Variants in DHRSX observed in about 807,000 individuals in gnomAD.
The protein encoded by DHRSX is dehydrogenase/reductase X-linked, also known as polyprenol dehydrogenase.
Under a neutral mutation model 34.0 loss-of-function variants are expected in DHRSX, and 31 were observed. The ratio of observed to expected loss-of-function variants is 0.91; its 90% CI spans 0.69 to 1.23. DHRSX has a LOEUF of 1.23. Among genes scored for constraint, DHRSX ranks in the 50% most tolerant of loss-of-function variants. The probability of loss-of-function intolerance (pLI) is 0.00; values close to 1 mark genes in which losing one functional copy is unlikely to be tolerated. For missense variants in DHRSX, 414 were observed against 428.1 expected, an observed-to-expected ratio of 0.97 and a Z score of 0.29; for synonymous variants, 201 against 183.8, an observed-to-expected ratio of 1.09 and a Z score of -0.76.
chrX:2,232,415 T>C (rs1423278741), intron 6 of DHRSX, among the ~76,000 whole-genome samples: 1 of 152,022 alleles, frequency 6.6e-6, no homozygotes, highest in Admixed American at 6.6e-5. Flanking sequence ...TATCTTCTTT[T>C]GTCCACAGCC....
intron 3 of DHRSX, among the ~76,000 whole-genome samples, chrX:2,345,710 C>T (rs1276967179): frequency 6.6e-6 from 1 of 150,402 alleles, no homozygotes; most frequent in Non-Finnish European, 1.5e-5. Flanking sequence ...GCAATTTGTC[C>T]TTCCTATGGT....
chrX:2,329,371 T>C (rs1422866055), intron 3 of DHRSX, among the ~76,000 whole-genome samples: 1 of 152,102 alleles, frequency 6.6e-6, no homozygotes, highest in Admixed American at 6.6e-5. Context: ...GATTGTGCGG[T>C]TCAAACGCCA....
In DHRSX at chrX:2,243,089, G is replaced by A. The variant is rs745524511; in HGVS notation, c.738C>T (p.Asp246=). Residue 246 remains aspartate (D), a synonymous_variant, in exon 6 of 7, where the codon GAC becomes GAT. Coordinates refer to ENST00000334651, the MANE Select transcript of DHRSX (RefSeq NM_145177.3). ...TGGCCCAGAACACGTGCTTGTAGACGTCCGTGTTGACCACCCCGGGGTCCA... is the reference window on the plus strand; with the variant it reads ...TGGCCCAGAACACGTGCTTGTAGACATCCGTGTTGACCACCCCGGGGTCCA... The part of the protein sequence containing the change: ...NVVDPGVVNT[D]VYKHVFWATR... 2 of 1,613,898 alleles carry A rather than the reference G, an allele frequency of 1.2e-6. No homozygotes were observed. The highest frequency in any genetic ancestry group is 8.5e-7 in the Non-Finnish European group (1 of 1,179,850).
chrX:2,321,216 G>A (rs1409106838), intron 3 of DHRSX, among the ~76,000 whole-genome samples: 3 of 152,134 alleles, frequency 2.0e-5, no homozygotes, highest in South Asian at 2.1e-4. Context: ...AGAGCTTGAT[G>A]GGCGATGATG....
intron 3 of DHRSX, among the ~76,000 whole-genome samples, chrX:2,390,017 G>T (rs1160327803): frequency 6.6e-6 from 1 of 152,086 alleles, no homozygotes; most frequent in Non-Finnish European, 1.5e-5. Flanking sequence ...CCGACCTCAA[G>T]TGATCCACCC....
chrX:2,293,253 GT>G (rs778290231), intron 3 of DHRSX, among the ~76,000 whole-genome samples: 24,097 of 138,884 alleles, frequency 0.17, 2,462 homozygotes, highest in Non-Finnish European at 0.24. Flanking sequence ...TGTTAAAGCT[GT>G]TTTTTTTTTT....
At chrX:2,391,872 G>A (rs7876263) in intron 3 of DHRSX, among the ~76,000 whole-genome samples, 47,003 of 151,760 alleles carry the variant, frequency 0.31, 7,519 homozygotes, top group Middle Eastern at 0.35. Context: ...GGTTGCAGTG[G>A]GCCAAGATTG....
intron 1 of DHRSX, among the ~76,000 whole-genome samples, chrX:2,464,402 C>T (rs2044452872): frequency 6.6e-6 from 1 of 151,402 alleles, no homozygotes. Flanking sequence ...TAAGGGACTG[C>T]TACCATATAC....
At chrX:2,370,599 A>G (rs1409110206) in intron 3 of DHRSX, among the ~76,000 whole-genome samples, 4 of 151,918 alleles carry the variant, frequency 2.6e-5, no homozygotes, top group Non-Finnish European at 5.9e-5. Context: ...TGAAAAAAAA[A>G]AAAAAAAAAT....
At chrX:2,488,007 G>T (rs1180339225) in intron 1 of DHRSX, 2 of 151,716 alleles carry the variant, frequency 1.3e-5, no homozygotes, top group African/African-American at 4.8e-5. Context: ...CCCTCCCAGG[G>T]AGAACTCGAA....
chrX:2,404,914 G>C (rs2043532774), intron 3 of DHRSX, among the ~76,000 whole-genome samples: 1 of 152,154 alleles, frequency 6.6e-6, no homozygotes, highest in Admixed American at 6.5e-5. Context: ...TTTGCCCCAA[G>C]GCAGATCCTA....
In DHRSX at chrX:2,439,521, T is replaced by C. The variant is rs762989253; in HGVS notation, c.110-14217A>G. ...GGGGTGGGGGATGGTTTGGGGATGA[T>C]TGAAGTGCATTCTATTTATCATGCA... On this transcript the variant is annotated intron_variant, in intron 1 of 6. Transcript: ENST00000334651. Among the ~76,000 whole-genome samples the C allele has an allele frequency of 5.8e-4, 89 of 152,296 alleles. 1 individual carries two copies. The highest frequency in any genetic ancestry group is 1.9e-3 in the African/African-American group (79 of 41,570).
rs767477014 is a variant in DHRSX, at chrX:2,474,191, GA to G, written c.109+26625del. ...AAGGGATCGCCACCGTGTACGAACT[GA>G]AGACGTTTTCTAAGAATGTGGACAA... On this transcript the variant is annotated intron_variant, in intron 1 of 6. Transcript: ENST00000334651. Among the ~76,000 whole-genome samples, 465 of 152,210 alleles carry G rather than the reference GA, an allele frequency of 3.1e-3. 3 individuals carry two copies. Among genetic ancestry groups the G allele is most frequent in the African/African-American group, 0.01 (435 of 41,526 alleles).
chrX:2,326,302 C>G (rs756391045), intron 3 of DHRSX, among the ~76,000 whole-genome samples: 2 of 152,212 alleles, frequency 1.3e-5, no homozygotes, highest in East Asian at 3.9e-4. Flanking sequence ...GCGGGCAGAT[C>G]ACCTGAGGTC....
intron 1 of DHRSX, among the ~76,000 whole-genome samples, chrX:2,467,590 G>C (rs1397684073): frequency 6.6e-6 from 1 of 151,424 alleles, no homozygotes; most frequent in Non-Finnish European, 1.5e-5. Context: ...TATTATAACA[G>C]GGACAAAGTC....
At chrX:2,453,767 A>G (rs34303668) in intron 1 of DHRSX, among the ~76,000 whole-genome samples, 40,777 of 151,812 alleles carry the variant, frequency 0.27, 6,155 homozygotes, top group African/African-American at 0.38. Context: ...TTAATAATAC[A>G]TCGCGTCTTT....
At chrX:2,372,612 GTT>G (rs71950336) in intron 3 of DHRSX, among the ~76,000 whole-genome samples, 26,595 of 144,620 alleles carry the variant, frequency 0.18, 2,497 homozygotes, top group Middle Eastern at 0.32. Flanking sequence ...TTCCTTCTTT[GTT>G]TTTTTTTTTT....
At chrX:2,263,840 C>T (rs188059064) in intron 5 of DHRSX, among the ~76,000 whole-genome samples, 2 of 152,130 alleles carry the variant, frequency 1.3e-5, no homozygotes, top group Admixed American at 6.6e-5. Flanking sequence ...TCAGCTTAAA[C>T]AAACTAAGAT....
chrX:2,435,211 C>T (rs972478053), intron 1 of DHRSX, among the ~76,000 whole-genome samples: 1 of 152,066 alleles, frequency 6.6e-6, no homozygotes, highest in African/African-American at 2.4e-5. Flanking sequence ...CTGTGTGTTG[C>T]GGACAATGCT....
Sources: gnomAD v4.1 joint callset for allele counts (sites outside exome capture counted in the v4.1 genomes callset) on GRCh38, gnomAD v4.1.1 for gene constraint, MANE v1.5 for transcripts, NCBI Gene and HGNC (gene_info 2026-07-23, HGNC 2026-07-21) for gene names.